CRPPA: variants seen among roughly 807,000 people sequenced by gnomAD.
CRPPA encodes CDP-L-ribitol pyrophosphorylase A.
Under a neutral mutation model 52.0 loss-of-function variants are expected in CRPPA, and 43 were observed. That is an observed-to-expected ratio of 0.83 (90% CI 0.65 to 1.07). CRPPA has a LOEUF of 1.07. CRPPA is among the 50% of genes least tolerant of loss of function. The probability of loss-of-function intolerance (pLI) is 0.00; values close to 1 mark genes in which losing one functional copy is unlikely to be tolerated. For missense variants in CRPPA, 629 were observed against 551.7 expected, an observed-to-expected ratio of 1.14 and a Z score of -1.40; for synonymous variants, 250 against 203.5, an observed-to-expected ratio of 1.23 and a Z score of -1.94.
chr7:16,242,935 C>T (rs562365290), intron 8 of CRPPA, among the ~76,000 whole-genome samples: 42 of 152,290 alleles, frequency 2.8e-4, no homozygotes, highest in South Asian at 6.2e-4. Context: ...ATGACCCACA[C>T]GACAATTTCA....
chr7:16,359,591 T>C (rs1332326084), intron 3 of CRPPA, among the ~76,000 whole-genome samples: 2 of 152,204 alleles, frequency 1.3e-5, no homozygotes, highest in South Asian at 4.1e-4. Context: ...GAGAACCTAA[T>C]TTAAGATGCA....
intron 8 of CRPPA, among the ~76,000 whole-genome samples, chr7:16,251,180 T>A (rs2128409728): frequency 6.6e-6 from 1 of 152,160 alleles, no homozygotes; most frequent in East Asian, 1.9e-4. Flanking sequence ...GAGCTAACTA[T>A]CCTAAATATA....
chr7:16,323,597 G>A (rs1341875917), intron 3 of CRPPA, among the ~76,000 whole-genome samples: 1 of 152,166 alleles, frequency 6.6e-6, no homozygotes, highest in African/African-American at 2.4e-5. Flanking sequence ...GAGAACCTCA[G>A]CTAATCCACA....
chr7:16,261,587 T>C (rs891969926), intron 6 of CRPPA, among the ~76,000 whole-genome samples: 2 of 134,872 alleles, frequency 1.5e-5, no homozygotes, highest in South Asian at 4.6e-4. Flanking sequence ...GTTGGTTGTT[T>C]TGGAGCAATT....
chr7:16,201,337 A>C (rs1781850285), intron 9 of CRPPA, among the ~76,000 whole-genome samples: 1 of 152,126 alleles, frequency 6.6e-6, no homozygotes, highest in Non-Finnish European at 1.5e-5. Flanking sequence ...TTACAGATAG[A>C]ATTCATAAAC....
intron 2 of CRPPA, among the ~76,000 whole-genome samples, chr7:16,399,225 A>C (rs549173810): frequency 6.6e-6 from 1 of 152,312 alleles, no homozygotes; most frequent in East Asian, 1.9e-4. Context: ...GACACTAGAC[A>C]CGTGATTGAC....
At position 16,339,964 on chromosome 7, in the gene CRPPA, C is replaced by G. The variant is rs560632878; in HGVS notation, c.685-31337G>C. On this transcript the variant is annotated intron_variant, in intron 3 of 9. Transcript: ENST00000407010. The stretch of plus-strand genomic sequence containing the variant: ...GCCCAGAAATAGACCCATATGAATA[C>G]AGTCAACTTTGGAAAAGGAACAAAA... Among the ~76,000 whole-genome samples, 5 of 152,158 alleles carry G rather than the reference C, an allele frequency of 3.3e-5. No homozygotes were observed. The South Asian group carries it at 1.0e-3, about 32-fold the overall frequency.
intron 2 of CRPPA, among the ~76,000 whole-genome samples, chr7:16,400,598 G>A (rs746317122): frequency 6.6e-6 from 1 of 152,148 alleles, no homozygotes; most frequent in Non-Finnish European, 1.5e-5. Context: ...GACACGATTG[G>A]CATGTGATCA....
In CRPPA at chr7:16,161,806, G is replaced by A. The variant is rs148203867; in HGVS notation, c.1251+54260C>T. Among the ~76,000 whole-genome samples, 1,090 of 152,168 alleles carry A rather than the reference G, an allele frequency of 7.2e-3. 13 individuals carry two copies. The highest frequency in any genetic ancestry group is 0.024 in the African/African-American group (982 of 41,508). ...CCTGGTAGAAATCAGCTGTGACTCC[G>A]TCTGGTCCTGGGCTTTTTTTGGTTG... On this transcript the variant is annotated intron_variant, in intron 9 of 9. Coordinates refer to ENST00000407010, the MANE Select transcript of CRPPA (RefSeq NM_001101426.4).
At chr7:16,387,035 TAA>T (rs368044666) in intron 2 of CRPPA, among the ~76,000 whole-genome samples, 1 of 91,612 alleles carries the variant, frequency 1.1e-5, no homozygotes, top group African/African-American at 4.2e-5. Flanking sequence ...TAATTTAAAA[TAA>T]AAAAAAGATA....
At chr7:16,091,942 G>A (rs139343209) in intron 9 of CRPPA, 143 bp from the exon 10 acceptor site, 326 of 475,936 alleles carry the variant, frequency 6.8e-4, no homozygotes, top group African/African-American at 5.9e-3. Context: ...TCATGGACAC[G>A]GTTCCCCGAA....
chr7:16,365,319 G>A (rs1786563427), intron 3 of CRPPA, among the ~76,000 whole-genome samples: 1 of 152,192 alleles, frequency 6.6e-6, no homozygotes, highest in Non-Finnish European at 1.5e-5. Flanking sequence ...TTTTGGATAA[G>A]CCTGTCTGGA....
In CRPPA at chr7:16,239,463, A is replaced by G. The variant is rs146691307; in HGVS notation, c.1119+18927T>C. On this transcript the variant is annotated intron_variant, in intron 8 of 9. Coordinates refer to ENST00000407010, the MANE Select transcript of CRPPA (RefSeq NM_001101426.4). The stretch of plus-strand genomic sequence containing the variant: ...ATAACCATTAACTTTAATAAATGAT[A>G]TTGAAAATACAATATTTGGTTCCAT... 4.7e-4 allele frequency among the ~76,000 whole-genome samples: 70 copies of G among 149,430 alleles called. No homozygotes were observed. The East Asian group carries it at 0.014, about 30-fold the overall frequency.
rs1184286896 is a variant in CRPPA at position 16,090,200 on chromosome 7, T to G, written c.*1495A>C. On this transcript the variant is annotated 3_prime_UTR_variant, in exon 10 of 10. Transcript: ENST00000407010. ...AGGCCCAGGAATTTAGATACAAGCC[T>G]ACATTCAAATAACACATTTCAATTA... is the stretch of plus-strand genomic sequence containing the variant. The G allele has an allele frequency of 2.0e-5, 3 of 152,144 alleles. No homozygotes were observed. The highest frequency in any genetic ancestry group is 4.4e-5 in the Non-Finnish European group (3 of 68,024). 9.4% of individuals were successfully genotyped at this position (152,144 alleles called of 1,614,324 possible).
At chr7:16,206,425 A>G (rs925050843) in intron 9 of CRPPA, among the ~76,000 whole-genome samples, 3 of 152,142 alleles carry the variant, frequency 2.0e-5, no homozygotes, top group Non-Finnish European at 4.4e-5. Context: ...AACAAAAAAA[A>G]GCAGTATGTT....
In CRPPA at chr7:16,247,124, C is replaced by T. The variant is rs117289391; in HGVS notation, c.1119+11266G>A. ...AGCGCAGCCTCAACATCAGCACTTG[C>T]TGCTTGACCTTGCACTTTTCTGTTA... is the stretch of plus-strand genomic sequence containing the variant. On this transcript the variant is annotated intron_variant, in intron 8 of 9. Transcript: ENST00000407010. 1.8e-4 allele frequency among the ~76,000 whole-genome samples: 27 copies of T among 152,366 alleles called. No homozygotes were observed. In the East Asian group the frequency reaches 3.5e-3, roughly 20 times the overall value.
intron 8 of CRPPA, among the ~76,000 whole-genome samples, chr7:16,249,345 C>A (rs1291603835): frequency 6.6e-6 from 1 of 152,198 alleles, no homozygotes; most frequent in African/African-American, 2.4e-5. Context: ...CTGAAGAGAG[C>A]AGTGGTTCTC....
chr7:16,286,073 A>T lies in CRPPA; in HGVS notation c.836-7847T>A, dbSNP rs1396798711. 8.9e-4 allele frequency among the ~76,000 whole-genome samples: 30 copies of T among 33,864 alleles called. 2 individuals carry two copies. Among genetic ancestry groups the T allele is most frequent in the South Asian group, 1.3e-3 (2 of 1,574 alleles). The allele number at this position is 33,864 out of a possible 152,430, so 22.2% of individuals were successfully genotyped here. On this transcript the variant is annotated intron_variant, in intron 5 of 9. Coordinates refer to ENST00000407010, the MANE Select transcript of CRPPA (RefSeq NM_001101426.4). The stretch of plus-strand genomic sequence containing the variant: ...TATATATATATATATATATATATAT[A>T]TATATATAATATTTAAAAAAAAAAA...
rs1788336311 is a variant in CRPPA, at chr7:16,421,385, C to A, written c.-63G>T. On this transcript the variant is annotated 5_prime_UTR_variant, in exon 1 of 10. Coordinates refer to ENST00000407010, the MANE Select transcript of CRPPA (RefSeq NM_001101426.4). ...CCGATGCGACCCCGCGCTGCTCCCA[C>A]CCTCGGCCGGGGTCGCGGGGCGAAG... The A allele has an allele frequency of 8.2e-7, 1 of 1,213,398 alleles. No individual in the cohort carries two copies. Among genetic ancestry groups the A allele is most frequent in the East Asian group, 3.3e-5 (1 of 29,938 alleles). 75.2% of individuals were successfully genotyped at this position (1,213,398 alleles called of 1,614,324 possible).
Sources: allele counts gnomAD v4.1 joint callset (sites outside exome capture counted in the v4.1 genomes callset), GRCh38; gene constraint gnomAD v4.1.1; transcripts MANE v1.5; gene names NCBI Gene and HGNC (gene_info 2026-07-23, HGNC 2026-07-21).